Variants in TMEM117 observed in about 807,000 individuals in gnomAD.
TMEM117 encodes the protein transmembrane protein 117.
In TMEM117, 27 loss-of-function variants were observed where a neutral mutation model predicts 52.4. The ratio of observed to expected loss-of-function variants is 0.51; its 90% CI spans 0.38 to 0.71. TMEM117 has a LOEUF of 0.71. Among genes scored for constraint, TMEM117 ranks in the 30% least tolerant of loss-of-function variants. The pLI is 0.00. For missense variants in TMEM117, 556 were observed against 630.5 expected, an observed-to-expected ratio of 0.88 and a Z score of 1.26; for synonymous variants, 215 against 206.3, an observed-to-expected ratio of 1.04 and a Z score of -0.36.
intron 3 of TMEM117, among the ~76,000 whole-genome samples, chr12:43,962,934 TA>T (rs748027479): frequency 0.025 from 3,564 of 142,496 alleles, 37 homozygotes; most frequent in Non-Finnish European, 0.032. Flanking sequence ...AGACTCCGTT[TA>T]AAAAAAAAAA....
At chr12:43,925,997 C>T (rs1174741624) in intron 2 of TMEM117, among the ~76,000 whole-genome samples, 1 of 152,160 alleles carries the variant, frequency 6.6e-6, no homozygotes, top group Non-Finnish European at 1.5e-5. Context: ...ACATATTAAA[C>T]ATACATATCC....
chr12:43,804,112 T>C, the TMEM117 span: 51 of 323,668 alleles, frequency 1.6e-4, no homozygotes, highest in Admixed American at 5.3e-4. Context: ...ATCCTTTGTT[T>C]ATATTTAAAA....
intron 3 of TMEM117, among the ~76,000 whole-genome samples, chr12:44,048,224 C>A (rs1946910736): frequency 6.6e-6 from 1 of 152,000 alleles, no homozygotes; most frequent in African/African-American, 2.4e-5. Context: ...AACATTATTA[C>A]TTTTCTTTTT....
intron 4 of TMEM117, among the ~76,000 whole-genome samples, chr12:44,151,406 C>A (rs559244082): frequency 1.3e-5 from 2 of 149,890 alleles, no homozygotes; most frequent in Admixed American, 6.7e-5. Context: ...ATGTGCACAA[C>A]GTGCAGGTTT....
At chr12:44,360,296 T>A (rs1411813375) in intron 6 of TMEM117, among the ~76,000 whole-genome samples, 1 of 152,056 alleles carries the variant, frequency 6.6e-6, no homozygotes, top group East Asian at 1.9e-4. Flanking sequence ...AGTCAAAGAT[T>A]AGGTCGGGCG....
chr12:44,071,626 G>A (rs1947304147), intron 3 of TMEM117, among the ~76,000 whole-genome samples: 1 of 152,060 alleles, frequency 6.6e-6, no homozygotes. Flanking sequence ...GGATCTAGTT[G>A]TGTTCTGCTT....
chr12:44,209,115 G>T (rs1468786160), intron 4 of TMEM117, among the ~76,000 whole-genome samples: 2 of 152,068 alleles, frequency 1.3e-5, no homozygotes, highest in Non-Finnish European at 2.9e-5. Flanking sequence ...ATTAAAGAAG[G>T]TTATAAAGGA....
intron 4 of TMEM117, among the ~76,000 whole-genome samples, chr12:44,152,082 AT>A (rs1408821188): frequency 1.7e-5 from 2 of 115,550 alleles, no homozygotes; most frequent in Non-Finnish European, 3.2e-5. Flanking sequence ...ATATATATTT[AT>A]ATTATAAACA....
intron 3 of TMEM117, among the ~76,000 whole-genome samples, chr12:44,044,191 G>A (rs972317384): frequency 1.3e-5 from 2 of 152,222 alleles, no homozygotes; most frequent in Admixed American, 6.5e-5. Flanking sequence ...TCTTTGAAGA[G>A]CCCTGTAATT....
intron 2 of TMEM117, among the ~76,000 whole-genome samples, chr12:43,901,831 C>G (rs1000890089): frequency 6.6e-6 from 1 of 151,638 alleles, no homozygotes; most frequent in East Asian, 1.9e-4. Flanking sequence ...ATCTGTTTGC[C>G]TAATGTTTTT....
At chr12:43,919,073 A>G (rs556719550) in intron 2 of TMEM117, among the ~76,000 whole-genome samples, 2 of 151,972 alleles carry the variant, frequency 1.3e-5, no homozygotes, top group East Asian at 3.9e-4. Flanking sequence ...CCAGCCCTGC[A>G]TTCTTTCTTC....
At chr12:43,904,095 G>A (rs1352303397) in intron 2 of TMEM117, among the ~76,000 whole-genome samples, 1 of 152,184 alleles carries the variant, frequency 6.6e-6, no homozygotes, top group Non-Finnish European at 1.5e-5. Context: ...TCTAAGATCA[G>A]TTTGCATGAA....
chr12:43,920,280 C>T (rs1024869246), intron 2 of TMEM117, among the ~76,000 whole-genome samples: 1 of 152,182 alleles, frequency 6.6e-6, no homozygotes, highest in African/African-American at 2.4e-5. Context: ...AATCCCAGCA[C>T]TTTGGGATGC....
At chr12:44,172,669 G>A (rs1949063554) in intron 4 of TMEM117, among the ~76,000 whole-genome samples, 1 of 152,126 alleles carries the variant, frequency 6.6e-6, no homozygotes, top group South Asian at 2.1e-4. Flanking sequence ...TGCCTCTATT[G>A]TGTGCATGTG....
chr12:44,370,766 C>A lies in TMEM117; in HGVS notation c.769-5829C>A, dbSNP rs537468481. ...CTCCTGAACTCAAGTGATCCGCCCG[C>A]CTTGGCCTCCCAAAGTGCTGGGATT... On this transcript the variant is annotated intron_variant, in intron 6 of 7. Transcript: ENST00000266534. Among the ~76,000 whole-genome samples, 4 of 152,210 alleles carry A rather than the reference C, an allele frequency of 2.6e-5. No individual in the cohort carries two copies. The East Asian group carries it at 7.7e-4, about 29-fold the overall frequency.
intron 3 of TMEM117, 103 bp from the exon 4 acceptor site, chr12:44,143,422 T>C (rs1948597232): frequency 6.6e-6 from 5 of 758,694 alleles, no homozygotes; most frequent in Non-Finnish European, 8.4e-6. Context: ...GCCAGACAGC[T>C]TGCTGAGAAT....
chr12:44,101,919 A>C (rs1243463596), intron 3 of TMEM117, among the ~76,000 whole-genome samples: 6 of 152,058 alleles, frequency 3.9e-5, no homozygotes, highest in African/African-American at 1.4e-4. Context: ...TGATGGTCAA[A>C]GGAAATAGGG....
At chr12:44,228,361 C>T (rs924388093) in intron 5 of TMEM117, among the ~76,000 whole-genome samples, 6 of 151,966 alleles carry the variant, frequency 3.9e-5, no homozygotes, top group Non-Finnish European at 8.8e-5. Flanking sequence ...TGTGAGGGGC[C>T]TAATTATAAA....
chr12:44,009,175 G>C (rs1455228474), intron 3 of TMEM117: 1 of 270,116 alleles, frequency 3.7e-6, no homozygotes, highest in Non-Finnish European at 7.2e-6. Context: ...TCTGTACCTT[G>C]TGTATATCAC....
Sources: allele counts gnomAD v4.1 joint callset (sites outside exome capture counted in the v4.1 genomes callset), GRCh38; gene constraint gnomAD v4.1.1; transcripts MANE v1.5; gene names NCBI Gene and HGNC (gene_info 2026-07-23, HGNC 2026-07-21).